The following ASXL1 variants were observed in gnomAD, a reference collection of about 807,000 sequenced individuals.
ASXL1 encodes polycomb group protein ASXL1.
ASXL1 carries 65 observed loss-of-function variants against 89.1 expected under a neutral mutation model. The ratio of observed to expected loss-of-function variants is 0.73; its 90% CI spans 0.60 to 0.90. The LOEUF (loss-of-function observed/expected upper bound fraction) is 0.90. Among genes scored for constraint, ASXL1 ranks in the 40% least tolerant of loss-of-function variants. The pLI is 0.00. For synonymous variants in ASXL1, 739 were observed against 746.9 expected (o/e 0.99, Z 0.17); for missense variants, 1,786 against 1,942.9 (o/e 0.92, Z 1.52).
chr20:32,386,561 G>T (rs1395502899), intron 4 of ASXL1, among the ~76,000 whole-genome samples: 1 of 151,982 alleles, frequency 6.6e-6, no homozygotes, highest in African/African-American at 2.4e-5. Context: ...GGGATTACAG[G>T]TGTGTGCCAC....
At chr20:32,421,472 T>TATTA (rs966789802) in intron 4 of ASXL1, among the ~76,000 whole-genome samples, 28 of 152,232 alleles carry the variant, frequency 1.8e-4, no homozygotes, top group Non-Finnish European at 3.5e-4. Context: ...TTTTTTTTAA[T>TATTA]AAAGTTAGCT....
Position 32,432,868 on chromosome 20 carries a change from A to G in ASXL1, c.980-12A>G, listed in dbSNP as rs746708217. 5.6e-6 allele frequency: 9 copies of G among 1,613,574 alleles called. No individual in the cohort carries two copies. Among genetic ancestry groups the G allele is most frequent in the Non-Finnish European group, 7.6e-6 (9 of 1,179,860 alleles). ...CGAATGCACTTACTAGAAGAGGTTT[A>G]TTTCTCCCTAGGTGAATTTACTCAT... On this transcript the variant is annotated splice_polypyrimidine_tract_variant and intron_variant, in intron 10 of 12. Coordinates refer to ENST00000375687, the MANE Select transcript of ASXL1 (RefSeq NM_015338.6).
At chr20:32,406,296 C>G (rs1339003735) in intron 4 of ASXL1, among the ~76,000 whole-genome samples, 2 of 152,034 alleles carry the variant, frequency 1.3e-5, no homozygotes, top group Non-Finnish European at 2.9e-5. Flanking sequence ...ACCTGTAATC[C>G]CAGCACTTTG....
chr20:32,359,618 G>A lies in ASXL1; in HGVS notation c.57+786G>A, dbSNP rs1473958954. 12 of 705,740 alleles carry A rather than the reference G, an allele frequency of 1.7e-5. No individual in the cohort carries two copies. The East Asian group carries it at 3.0e-4, about 17-fold the overall frequency. The allele number at this position is 705,740 out of a possible 1,614,324, so 43.7% of individuals were successfully genotyped here. On this transcript the variant is annotated intron_variant, in intron 1 of 12. Transcript: ENST00000375687. ...GGACTGGAAATTGGTATTTTGAGGA[G>A]AACTGAATCCACTTTGCAAAGAATG... is the stretch of plus-strand genomic sequence containing the variant.
At position 32,358,366 on chromosome 20, in the gene ASXL1, G is replaced by A. The variant is rs1416993385; in HGVS notation, c.-410G>A. ...ACACACACCCACGGCAGACACGCAC[G>A]CACCCGGGCGCCGAAGGGAAAGCCG... On this transcript the variant is annotated 5_prime_UTR_variant, in exon 1 of 13. Transcript: ENST00000375687. The A allele has an allele frequency of 8.6e-6, 2 of 232,958 alleles. No homozygotes were observed. The highest frequency in any genetic ancestry group is 2.2e-5 in the African/African-American group (1 of 45,020). The allele number at this position is 232,958 out of a possible 1,614,324, so 14.4% of individuals were successfully genotyped here. A position where few individuals can be genotyped will look rare whatever the true frequency, so the allele number is the denominator to read the frequency against.
intron 4 of ASXL1, among the ~76,000 whole-genome samples, chr20:32,385,813 A>G (rs1274577220): frequency 1.3e-5 from 2 of 152,166 alleles, no homozygotes; most frequent in African/African-American, 2.4e-5. Context: ...TAACAGATCT[A>G]TGTTTGATAC....
In ASXL1 at chr20:32,435,770, G is replaced by A. The variant is rs765907136; in HGVS notation, c.3058G>A (p.Glu1020Lys). The A allele has an allele frequency of 6.2e-7, 1 of 1,614,232 alleles. No homozygotes were observed. Among genetic ancestry groups the A allele is most frequent in the Non-Finnish European group, 8.5e-7 (1 of 1,180,052 alleles). Residue 1020 changes from glutamate to lysine, a missense_variant, in exon 13 of 13, where the codon GAA becomes AAA. Physicochemically the swap from Glu to Lys is moderately conservative, Grantham distance 56 (BLOSUM62 1). Transcript: ENST00000375687. The stretch of plus-strand genomic sequence containing the variant: ...GGACAGCAGTGAGGCTGACACTAGA[G>A]AAGCTGCAGTGACAAAGGGATCTTC... ...TEDSSEADTR[E>K]AAVTKGSSVD...
At chr20:32,398,431 G>A (rs1325863784) in intron 4 of ASXL1, among the ~76,000 whole-genome samples, 1 of 151,578 alleles carries the variant, frequency 6.6e-6, no homozygotes, top group Admixed American at 6.6e-5. Context: ...TTTTTTCTTT[G>A]AAAGAAAACC....
chr20:32,390,699 G>T (rs1053497608), intron 4 of ASXL1, among the ~76,000 whole-genome samples: 3 of 152,064 alleles, frequency 2.0e-5, no homozygotes, highest in Non-Finnish European at 4.4e-5. Flanking sequence ...GTATCCTTTT[G>T]TAGTCAGCTT....
chr20:32,403,737 T>C (rs1355306834), intron 4 of ASXL1, among the ~76,000 whole-genome samples: 1 of 152,206 alleles, frequency 6.6e-6, no homozygotes, highest in African/African-American at 2.4e-5. Context: ...TAGAATCATA[T>C]TATCTACAAT....
rs573813840 is a variant in ASXL1 at position 32,434,176 on chromosome 20, A to G, written c.1720-256A>G. 4 of 696,376 alleles carry G rather than the reference A, an allele frequency of 5.7e-6. No individual in the cohort carries two copies. In the South Asian group the frequency reaches 7.8e-5, roughly 14 times the overall value. The allele number at this position is 696,376 out of a possible 1,614,324, so 43.1% of individuals were successfully genotyped here. A position where few individuals can be genotyped will look rare whatever the true frequency, so the allele number is the denominator to read the frequency against. ...TAAAATCTTTTTAAGATAGCATTAG[A>G]TTCTTTGCTATAGTGACTCACACAG... is the stretch of plus-strand genomic sequence containing the variant. On this transcript the variant is annotated intron_variant, in intron 12 of 12. Transcript: ENST00000375687.
At chr20:32,393,866 T>C (rs1479050779) in intron 4 of ASXL1, among the ~76,000 whole-genome samples, 1 of 152,132 alleles carries the variant, frequency 6.6e-6, no homozygotes, top group Non-Finnish European at 1.5e-5. Context: ...ACTGTCACTC[T>C]GTCGTCTAGG....
At chr20:32,430,977 A>T in intron 8 of ASXL1, 1 of 492,728 alleles carries the variant, frequency 2.0e-6, no homozygotes, top group South Asian at 1.9e-5. Context: ...AATTCTCATG[A>T]TTTCTCCAGT....
intron 4 of ASXL1, among the ~76,000 whole-genome samples, chr20:32,382,708 C>A (rs1187013154): frequency 6.6e-6 from 1 of 151,720 alleles, no homozygotes; most frequent in Non-Finnish European, 1.5e-5. Context: ...ATTGCTTGAG[C>A]CTGGGAAGTT....
chr20:32,385,877 C>T (rs1351870149), intron 4 of ASXL1, among the ~76,000 whole-genome samples: 3 of 152,206 alleles, frequency 2.0e-5, no homozygotes, highest in Non-Finnish European at 4.4e-5. Context: ...TGTTTGGCCA[C>T]ACTGCCCTTC....
At chr20:32,411,742 T>A (rs1489095509) in intron 4 of ASXL1, among the ~76,000 whole-genome samples, 1 of 151,920 alleles carries the variant, frequency 6.6e-6, no homozygotes, top group Non-Finnish European at 1.5e-5. Flanking sequence ...TTCACCATGT[T>A]GGCCAGGCTG....
At chr20:32,395,136 C>A (rs367809308) in intron 4 of ASXL1, among the ~76,000 whole-genome samples, 109 of 152,304 alleles carry the variant, frequency 7.2e-4, no homozygotes, top group Middle Eastern at 3.4e-3. Context: ...AGTTTTTTCT[C>A]GTCAGTTCAG....
chr20:32,376,900 TA>T (rs1423383376), intron 4 of ASXL1, among the ~76,000 whole-genome samples: 1 of 142,844 alleles, frequency 7.0e-6, no homozygotes, highest in Non-Finnish European at 1.5e-5. Context: ...AAAATAAAAA[TA>T]AAAAATTGCA....
intron 8 of ASXL1, chr20:32,430,368 GAATTCC>G (rs1287608241): frequency 6.2e-6 from 2 of 320,256 alleles, no homozygotes; most frequent in African/African-American, 4.2e-5. Flanking sequence ...TCTCAGTGAA[GAATTCC>G]AACACCCCTT....
Sources: gnomAD v4.1 joint callset for allele counts (sites outside exome capture counted in the v4.1 genomes callset) on GRCh38, gnomAD v4.1.1 for gene constraint, MANE v1.5 for transcripts, NCBI Gene and HGNC (gene_info 2026-07-23, HGNC 2026-07-21) for gene names.